The following XKR6 variants were observed in gnomAD, a reference collection of about 807,000 sequenced individuals.
XKR6 encodes XK-related protein 6.
XKR6 carries 22 observed loss-of-function variants against 56.7 expected under a neutral mutation model. The observed-to-expected ratio is 0.39, with a 90% CI of 0.28 to 0.55. The LOEUF (loss-of-function observed/expected upper bound fraction) is 0.55, where lower values mean the gene tolerates loss of function less well. Ranked by LOEUF, XKR6 falls within the 20% of genes least tolerant of loss-of-function variation. The pLI, the probability that XKR6 is intolerant of heterozygous loss-of-function variation, is 0.66. For missense variants in XKR6, 852 were observed against 889.0 expected (o/e 0.96, Z 0.53); for synonymous variants, 524 against 387.8 (o/e 1.35, Z -4.13).
intron 1 of XKR6, among the ~76,000 whole-genome samples, chr8:11,050,168 C>T (rs1347924505): frequency 2.0e-5 from 3 of 152,214 alleles, no homozygotes; most frequent in Non-Finnish European, 4.4e-5. Context: ...CACACGGAGA[C>T]ACGCAGATTC....
chr8:11,041,241 G>A (rs1388511521), intron 1 of XKR6, among the ~76,000 whole-genome samples: 3 of 152,116 alleles, frequency 2.0e-5, no homozygotes, highest in Non-Finnish European at 4.4e-5. Flanking sequence ...GGGAAAACAA[G>A]CAGAACAAAA....
At chr8:10,986,604 G>A (rs1478054791) in intron 1 of XKR6, among the ~76,000 whole-genome samples, 2 of 152,170 alleles carry the variant, frequency 1.3e-5, no homozygotes, top group African/African-American at 4.8e-5. Context: ...GGAGGCAGTA[G>A]AATGTCATAG....
At chr8:10,933,532 T>A (rs1270073838) in intron 1 of XKR6, among the ~76,000 whole-genome samples, 1 of 124,566 alleles carries the variant, frequency 8.0e-6, no homozygotes, top group Non-Finnish European at 1.7e-5. Context: ...TGGTTTTAGG[T>A]CTAACGTTTA....
At position 10,938,600 on chromosome 8, in the gene XKR6, G is replaced by C. The variant is rs148368525; in HGVS notation, c.765-13770C>G. Reference sequence around the variant, plus strand: ...ATCCTAAAGGAGTGAAGTCTGTCTCGATAGTTATATACAGTGTGATTCCAC... The same window carrying C: ...ATCCTAAAGGAGTGAAGTCTGTCTCCATAGTTATATACAGTGTGATTCCAC... On this transcript the variant is annotated intron_variant, in intron 1 of 2. Transcript: ENST00000416569. Among the ~76,000 whole-genome samples, 47 of 152,328 alleles carry C rather than the reference G, an allele frequency of 3.1e-4. No homozygotes were observed. In the South Asian group the frequency reaches 3.3e-3, roughly 11 times the overall value.
intron 1 of XKR6, among the ~76,000 whole-genome samples, chr8:11,072,886 C>G (rs1036546455): frequency 1.3e-5 from 2 of 152,170 alleles, no homozygotes; most frequent in African/African-American, 4.8e-5. Flanking sequence ...CCCATCTCTA[C>G]TAAAAATACA....
intron 1 of XKR6, among the ~76,000 whole-genome samples, chr8:11,167,722 T>A (rs10094620): frequency 0.052 from 7,887 of 152,120 alleles, 679 homozygotes; most frequent in African/African-American, 0.18. Context: ...TGGCTCACTA[T>A]TGAAGGAGGG....
chr8:11,189,924 A>C (rs1753949338), intron 1 of XKR6, among the ~76,000 whole-genome samples: 1 of 152,194 alleles, frequency 6.6e-6, no homozygotes, highest in Non-Finnish European at 1.5e-5. Flanking sequence ...TGGGAGGCCA[A>C]GGAGGGCAGA....
At chr8:11,052,205 G>T (rs1405725713) in intron 1 of XKR6, among the ~76,000 whole-genome samples, 1 of 152,092 alleles carries the variant, frequency 6.6e-6, no homozygotes, top group Non-Finnish European at 1.5e-5. Context: ...CTGCCTGGAA[G>T]GCTTCTTGGA....
intron 1 of XKR6, among the ~76,000 whole-genome samples, chr8:11,072,861 C>G (rs1800168825): frequency 6.6e-6 from 1 of 152,034 alleles, no homozygotes; most frequent in Non-Finnish European, 1.5e-5. Flanking sequence ...ACCAGCCTGG[C>G]CAACATGGTG....
At chr8:11,035,312 G>C (rs987087662) in intron 1 of XKR6, 3 of 534,688 alleles carry the variant, frequency 5.6e-6, no homozygotes, top group Admixed American at 1.9e-5. Context: ...CCATCTTCCT[G>C]CGTTGTGGCA....
chr8:11,117,975 C>A (rs1034130220), intron 1 of XKR6, among the ~76,000 whole-genome samples: 8 of 152,042 alleles, frequency 5.3e-5, no homozygotes, highest in African/African-American at 1.9e-4. Flanking sequence ...TGTGGGGGAC[C>A]AGGCATCCAA....
chr8:10,921,439 A>T (rs193275868), intron 2 of XKR6, among the ~76,000 whole-genome samples: 2 of 152,332 alleles, frequency 1.3e-5, no homozygotes, highest in African/African-American at 4.8e-5. Flanking sequence ...AGAGCCCTAT[A>T]AAAGGATGAC....
At chr8:10,991,121 G>C (rs11995270) in intron 1 of XKR6, among the ~76,000 whole-genome samples, 58,215 of 151,544 alleles carry the variant, frequency 0.38, 12,618 homozygotes, top group African/African-American at 0.6. Context: ...TCAGTCTAGT[G>C]TTGAACTCCT....
chr8:11,093,697 C>T (rs1259044327), intron 1 of XKR6, among the ~76,000 whole-genome samples: 1 of 152,160 alleles, frequency 6.6e-6, no homozygotes, highest in Admixed American at 6.5e-5. Context: ...CTATCTTTCC[C>T]TTTTTTCATT....
chr8:11,184,042 C>T (rs769550040), intron 1 of XKR6, among the ~76,000 whole-genome samples: 6 of 151,968 alleles, frequency 3.9e-5, no homozygotes, highest in Admixed American at 2.0e-4. Context: ...GCAAATATAA[C>T]GAAAAGTGTT....
chr8:11,152,994 G>C (rs1801339957), intron 1 of XKR6, among the ~76,000 whole-genome samples: 1 of 152,118 alleles, frequency 6.6e-6, no homozygotes, highest in Admixed American at 6.6e-5. Flanking sequence ...TTCTGACTAT[G>C]ATCACAGAGT....
At chr8:11,013,852 T>C (rs906329315) in intron 1 of XKR6, among the ~76,000 whole-genome samples, 14 of 152,220 alleles carry the variant, frequency 9.2e-5, no homozygotes, top group African/African-American at 2.9e-4. Flanking sequence ...TCTTGAGTCA[T>C]CCTGACCACG....
In XKR6 at chr8:11,044,858, T is replaced by C. The variant is rs540870885; in HGVS notation, c.765-120028A>G. The stretch of plus-strand genomic sequence containing the variant: ...TGGTCTTGAACTCCTGACCTTGTGA[T>C]CCACCCAACTCGGCCTCCCAAAGTG... On this transcript the variant is annotated intron_variant, in intron 1 of 2. Coordinates refer to ENST00000416569, the MANE Select transcript of XKR6 (RefSeq NM_173683.4). 2.0e-5 allele frequency among the ~76,000 whole-genome samples: 3 copies of C among 151,926 alleles called. No individual in the cohort carries two copies. In the East Asian group the frequency reaches 5.9e-4, roughly 30 times the overall value.
intron 1 of XKR6, among the ~76,000 whole-genome samples, chr8:11,026,803 A>G (rs1331311710): frequency 6.6e-6 from 1 of 151,408 alleles, no homozygotes; most frequent in Non-Finnish European, 1.5e-5. Context: ...GGTCTAGGCT[A>G]CTACACCCTT....
Sources: gnomAD v4.1 joint callset for allele counts (sites outside exome capture counted in the v4.1 genomes callset) on GRCh38, gnomAD v4.1.1 for gene constraint, MANE v1.5 for transcripts, NCBI Gene and HGNC (gene_info 2026-07-23, HGNC 2026-07-21) for gene names.